PDCL3: variants seen among roughly 807,000 people sequenced by gnomAD.
PDCL3 encodes the protein phosducin-like protein 3.
Under a neutral mutation model 26.5 loss-of-function variants are expected in PDCL3, and 22 were observed. The ratio of observed to expected loss-of-function variants is 0.83; its 90% CI spans 0.59 to 1.19. PDCL3 has a LOEUF of 1.19. PDCL3 is among the 50% of genes most tolerant of loss of function. The pLI, the probability that PDCL3 is intolerant of heterozygous loss-of-function variation, is 0.00. For synonymous variants in PDCL3, 81 were observed against 104.9 expected (o/e 0.77, Z 1.39); for missense variants, 246 against 294.1 (o/e 0.84, Z 1.20).
At chr2:100,563,615 T>C (rs1208002968) in intron 1 of PDCL3, 2 of 113,152 alleles carry the variant, frequency 1.8e-5, no homozygotes, top group East Asian at 8.5e-4. Context: ...GGTCCCTCTG[T>C]TTCGTCCTTT....
intron 1 of PDCL3, among the ~76,000 whole-genome samples, chr2:100,566,033 A>G (rs1331180826): frequency 6.6e-6 from 1 of 151,998 alleles, no homozygotes; most frequent in Non-Finnish European, 1.5e-5. Context: ...CCTCCCAAGT[A>G]GCTGGGACTA....
At chr2:100,568,574 AGT>A (rs1417753143) in intron 2 of PDCL3, among the ~76,000 whole-genome samples, 3 of 152,160 alleles carry the variant, frequency 2.0e-5, no homozygotes, top group Non-Finnish European at 4.4e-5. Context: ...GGAGGTTCTC[AGT>A]GAGTCAAGAT....
rs1675065859 is a variant in PDCL3, at chr2:100,566,568, A to C, written c.72A>C (p.Glu24Asp). ...AAAAGGGTATCTTACCCCCCAAGGA[A>C]AGTCTGAAAGAATTGGAAGAGGAGG... ...LRKKGILPPK[E>D]SLKELEEEAE... The change falls in exon 2 of 6, where the codon GAA becomes GAC. Residue 24 changes from glutamate to aspartate, a missense_variant. Transcript: ENST00000264254. 5 of 1,613,920 alleles carry C rather than the reference A, an allele frequency of 3.1e-6. No homozygotes were observed. In the East Asian group the frequency reaches 8.9e-5, roughly 29 times the overall value.
At chr2:100,566,803 G>A (rs17640099) in intron 2 of PDCL3, among the ~76,000 whole-genome samples, 174 bp downstream of exon 2, 4,555 of 152,268 alleles carry the variant, frequency 0.03, 97 homozygotes, top group Non-Finnish European at 0.047. Flanking sequence ...CATAGACTTA[G>A]GGGACTTCAG....
In PDCL3 at chr2:100,571,717, A is replaced by G. The variant is rs748802211; in HGVS notation, c.496A>G (p.Ile166Val). 4.3e-6 allele frequency: 7 copies of G among 1,613,810 alleles called. No individual in the cohort carries two copies. Among genetic ancestry groups the G allele is most frequent in the African/African-American group, 1.3e-5 (1 of 74,886 alleles). The change falls in exon 5 of 6, where the codon ATA becomes GTA. Residue 166 changes from isoleucine to valine, a missense_variant. Ile to Val is a conservative substitution (Grantham distance 29). Coordinates refer to ENST00000264254, the MANE Select transcript of PDCL3 (RefSeq NM_024065.5). Reference protein sequence around the residue: ...PNYPDRNLPTIFVYLEGDIKA... With the variant: ...PNYPDRNLPTVFVYLEGDIKA... ...TTATCCTGATAGGAATCTGCCCACG[A>G]TATTTGTTTACCTGGAAGGAGATAT...
At chr2:100,572,907 T>C (rs564473427) in intron 5 of PDCL3, among the ~76,000 whole-genome samples, 1 of 151,942 alleles carries the variant, frequency 6.6e-6, no homozygotes, top group East Asian at 1.9e-4. Context: ...TTTTTTGAGA[T>C]GGAGTTTTGC....
intron 2 of PDCL3, among the ~76,000 whole-genome samples, chr2:100,567,874 C>A (rs13402914): frequency 6.6e-6 from 1 of 150,734 alleles, no homozygotes; most frequent in African/African-American, 2.4e-5. Flanking sequence ...CCAGGCTGGA[C>A]TGCAGTGGCG....
intron 5 of PDCL3, among the ~76,000 whole-genome samples, chr2:100,572,444 T>G (rs933229804): frequency 2.0e-5 from 3 of 152,130 alleles, no homozygotes; most frequent in East Asian, 3.9e-4. Flanking sequence ...ACTCCTGGCC[T>G]CAAGTGATCT....
intron 1 of PDCL3, among the ~76,000 whole-genome samples, chr2:100,566,094 G>A (rs1370945099): frequency 2.0e-5 from 3 of 151,988 alleles, no homozygotes; most frequent in Non-Finnish European, 2.9e-5. Flanking sequence ...CAGTAGAGAC[G>A]GGGTTTCACC....
intron 4 of PDCL3, among the ~76,000 whole-genome samples, chr2:100,570,632 C>G (rs555337055): frequency 6.6e-6 from 1 of 151,482 alleles, no homozygotes; most frequent in African/African-American, 2.4e-5. Context: ...CGCCTGCCAC[C>G]GCACTCAGCT....
Position 100,576,547 on chromosome 2 carries a change from T to G in PDCL3, c.*51T>G, listed in dbSNP as rs776147055. On this transcript the variant is annotated 3_prime_UTR_variant, in exon 6 of 6. Transcript: ENST00000264254. ...ACTTTCTTGTGACAAATTGTCTGGA[T>G]TTTTTAAAAAAGGAAAAAGCAAGAA... is the stretch of plus-strand genomic sequence containing the variant. 6.8e-7 allele frequency: 1 copy of G among 1,470,872 alleles called. No individual in the cohort carries two copies. Among genetic ancestry groups the G allele is most frequent in the Non-Finnish European group, 9.0e-7 (1 of 1,105,758 alleles). The allele number at this position is 1,470,872 out of a possible 1,614,324, so 91.1% of individuals were successfully genotyped here. A position where few individuals can be genotyped will look rare whatever the true frequency, so the allele number is the denominator to read the frequency against.
intron 5 of PDCL3, among the ~76,000 whole-genome samples, chr2:100,572,658 C>T (rs1184774487): frequency 1.3e-5 from 2 of 151,994 alleles, no homozygotes; most frequent in Admixed American, 6.6e-5. Flanking sequence ...GCTGGGATTA[C>T]AGGCATGTGC....
At chr2:100,563,273 G>T in intron 1 of PDCL3, 200 bp downstream of exon 1, 1 of 539,136 alleles carries the variant, frequency 1.9e-6, no homozygotes, top group Non-Finnish European at 3.2e-6. Flanking sequence ...GGGCGTCCCC[G>T]CCTCGGTGTG....
In PDCL3 at chr2:100,569,632, A is replaced by C. The variant is rs189932200; in HGVS notation, c.279A>C (p.Glu93Asp). ...KATKLKNKFG[E>D]VLEISGKDYV... The stretch of plus-strand genomic sequence containing the variant: ...CTAAACTGAAGAATAAATTCGGAGA[A>C]GTTTTGGAGATCTCAGGGAAGGATT... The change falls in exon 4 of 6, where the codon GAA becomes GAC. Residue 93 changes from glutamate (E) to aspartate (D), a missense_variant. Coordinates refer to ENST00000264254, the MANE Select transcript of PDCL3 (RefSeq NM_024065.5). 2.0e-4 allele frequency: 318 copies of C among 1,614,008 alleles called. 3 individuals carry two copies. The East Asian group carries it at 6.9e-3, about 35-fold the overall frequency.
chr2:100,571,911 C>CATGTGTATGAGTGA, intron 5 of PDCL3, 113 bp downstream of exon 5: 1 of 912,616 alleles, frequency 1.1e-6, no homozygotes, highest in Non-Finnish European at 1.8e-6. Flanking sequence ...TTCACTTCTG[C>CATGTGTATGAGTGA]CTGTGTATGA....
rs751762968 is a variant in PDCL3 at position 100,569,532 on chromosome 2, T to A, written c.225-46T>A. 3 of 1,607,118 alleles carry A rather than the reference T, an allele frequency of 1.9e-6. No homozygotes were observed. In the South Asian group the frequency reaches 3.3e-5, roughly 18 times the overall value. ...GATTGCCTTCTAGACGATGTGTGTG[T>A]ACACGTGTTTGTGACGTAAGATGTT... On this transcript the variant is annotated intron_variant, in intron 3 of 5. Coordinates refer to ENST00000264254, the MANE Select transcript of PDCL3 (RefSeq NM_024065.5).
intron 4 of PDCL3, among the ~76,000 whole-genome samples, chr2:100,569,934 G>A (rs898772729): frequency 2.0e-5 from 3 of 151,986 alleles, no homozygotes; most frequent in African/African-American, 7.2e-5. Flanking sequence ...ATGAAACCCC[G>A]TCTCTACTAA....
At position 100,576,453 on chromosome 2, in the gene PDCL3, G is replaced by T. The variant is rs375546662; in HGVS notation, c.677G>T (p.Arg226Leu). The change falls in exon 6 of 6, where the codon CGC (arginine) becomes CTC (leucine). Residue 226 changes from arginine (R) to leucine (L), a missense_variant. Transcript: ENST00000264254. ...IEDVLLSSVR[R>L]SVLMKRDSDS... Reference sequence around the variant, plus strand: ...GACGTGTTGCTGTCCTCAGTGCGGCGCTCTGTCCTCATGAAGAGGGACAGC... The same window carrying T: ...GACGTGTTGCTGTCCTCAGTGCGGCTCTCTGTCCTCATGAAGAGGGACAGC... The T allele has an allele frequency of 2.5e-6, 4 of 1,613,454 alleles. No individual in the cohort carries two copies. Among genetic ancestry groups the T allele is most frequent in the East Asian group, 2.2e-5 (1 of 44,842 alleles).
intron 1 of PDCL3, chr2:100,563,293 C>G (rs866229736): frequency 1.6e-5 from 8 of 508,086 alleles, no homozygotes; most frequent in African/African-American, 1.4e-4. Flanking sequence ...GCCGGGTCCC[C>G]CAAACCTCGT....
Sources: gnomAD v4.1 joint callset for allele counts (sites outside exome capture counted in the v4.1 genomes callset) on GRCh38, gnomAD v4.1.1 for gene constraint, MANE v1.5 for transcripts, NCBI Gene and HGNC (gene_info 2026-07-23, HGNC 2026-07-21) for gene names.